Variants in CPEB1 observed in about 807,000 individuals in gnomAD.
CPEB1 encodes the protein cytoplasmic polyadenylation element binding protein 1, also known as cytoplasmic polyadenylation element-binding protein 1.
Under a neutral mutation model 65.8 loss-of-function variants are expected in CPEB1, and 7 were observed. That is an observed-to-expected ratio of 0.11 (90% confidence interval 0.06 to 0.20). The LOEUF (loss-of-function observed/expected upper bound fraction) is 0.20, where lower values mean the gene tolerates loss of function less well. Ranked by LOEUF, CPEB1 falls within the 10% of genes least tolerant of loss-of-function variation. CPEB1 has a pLI of 1.00. For missense variants in CPEB1, 551 were observed against 712.2 expected (o/e 0.77, Z 2.58); for synonymous variants, 262 against 260.0 (o/e 1.01, Z -0.08).
At chr15:82,619,823 TG>T (rs1398009874) in intron 3 of CPEB1, among the ~76,000 whole-genome samples, 2 of 152,018 alleles carry the variant, frequency 1.3e-5, no homozygotes, top group African/African-American at 2.4e-5. Flanking sequence ...CGTACACCAC[TG>T]GAAGTGTAAA....
rs536024398 is a variant in CPEB1, at chr15:82,546,527, C to A, written c.1576-6G>T. 6.2e-7 allele frequency: 1 copy of A among 1,610,902 alleles called. No homozygotes were observed. The highest frequency in any genetic ancestry group is 1.3e-5 in the African/African-American group (1 of 74,808). On this transcript the variant is annotated splice_polypyrimidine_tract_variant and splice_region_variant and intron_variant, in intron 11 of 12. Transcript: ENST00000684509. ...AGGTAGGGGTCAATCTGAACCTGCA[C>A]AAAGGCAAAATAAGATGATGAAGTG...
intron 3 of CPEB1, among the ~76,000 whole-genome samples, chr15:82,596,225 A>T (rs2042652918): frequency 6.6e-6 from 1 of 152,230 alleles, no homozygotes; most frequent in Admixed American, 6.5e-5. Context: ...TAAAGCAGTT[A>T]AGACAAGCAT....
chr15:82,586,505 T>C (rs931064272), intron 3 of CPEB1, among the ~76,000 whole-genome samples: 1 of 152,196 alleles, frequency 6.6e-6, no homozygotes, highest in African/African-American at 2.4e-5. Context: ...TAAAAAAAAT[T>C]ACATAAAATA....
At chr15:82,555,593 G>A (rs141611848) in intron 6 of CPEB1, among the ~76,000 whole-genome samples, 7 of 152,356 alleles carry the variant, frequency 4.6e-5, no homozygotes, top group South Asian at 2.1e-4. Flanking sequence ...CAGTCTCCAC[G>A]GAACGGCACA....
At chr15:82,563,291 T>C (rs1484377811) in intron 4 of CPEB1, among the ~76,000 whole-genome samples, 1 of 150,536 alleles carries the variant, frequency 6.6e-6, no homozygotes, top group African/African-American at 2.4e-5. Context: ...AGTAGTGTTA[T>C]CAACTTTAAA....
chr15:82,619,686 CTCAACT>C (rs1250850432), intron 3 of CPEB1, among the ~76,000 whole-genome samples: 3 of 152,088 alleles, frequency 2.0e-5, no homozygotes, highest in Non-Finnish European at 2.9e-5. Context: ...TGAAAATGTG[CTCAACT>C]TCATCAGTCA....
At chr15:82,647,958 G>GCGGGCCGCGCGCAGCCC, upstream of CPEB1, 1 of 1,060,604 alleles carries the variant, frequency 9.4e-7, no homozygotes, top group East Asian at 3.3e-5. Flanking sequence ...TATTTTTGCA[G>GCGGGCCGCGCGCAGCCC]CGGGCCGCGC....
chr15:82,623,066 T>C (rs930293244), intron 3 of CPEB1, among the ~76,000 whole-genome samples: 4 of 152,234 alleles, frequency 2.6e-5, no homozygotes, highest in African/African-American at 9.6e-5. Flanking sequence ...AACAGCTCTT[T>C]AGTCTCAGCT....
At chr15:82,647,872 G>T (rs902645099), upstream of CPEB1, 2 of 1,263,256 alleles carry the variant, frequency 1.6e-6, no homozygotes, top group Non-Finnish European at 2.0e-6. Flanking sequence ...GAACGCCATG[G>T]GGCCGGTGTG....
At chr15:82,591,311 G>T (rs1306350060) in intron 3 of CPEB1, among the ~76,000 whole-genome samples, 1 of 152,136 alleles carries the variant, frequency 6.6e-6, no homozygotes, top group Admixed American at 6.5e-5. Flanking sequence ...ACCCAGACTT[G>T]AGTGCAGTGG....
intron 3 of CPEB1, among the ~76,000 whole-genome samples, chr15:82,611,340 AAAAT>A (rs1172483473): frequency 6.6e-6 from 1 of 152,210 alleles, no homozygotes; most frequent in Non-Finnish European, 1.5e-5. Context: ...AATAGCATGA[AAAAT>A]AAATATACTT....
At chr15:82,582,720 C>T (rs1454867844) in intron 3 of CPEB1, among the ~76,000 whole-genome samples, 3 of 151,260 alleles carry the variant, frequency 2.0e-5, no homozygotes, top group Non-Finnish European at 4.4e-5. Context: ...TAAACCTATC[C>T]CATCATACTA....
chr15:82,617,724 GTT>G (rs35267620), intron 3 of CPEB1, among the ~76,000 whole-genome samples: 126 of 83,800 alleles, frequency 1.5e-3, no homozygotes, highest in African/African-American at 5.7e-3. Context: ...TTCTATTAAA[GTT>G]TTTTTTTTTT....
chr15:82,594,923 T>A lies in CPEB1; in HGVS notation c.272-23391A>T, dbSNP rs148496370. Among the ~76,000 whole-genome samples, 39 of 152,228 alleles carry A rather than the reference T, an allele frequency of 2.6e-4. 1 individual carries two copies. The East Asian group carries it at 6.6e-3, about 26-fold the overall frequency. ...GGAGCAGTCACAGCATACACAAAGT[T>A]TATCAATTAAGTTCACCATCTTACA... is the stretch of plus-strand genomic sequence containing the variant. On this transcript the variant is annotated intron_variant, in intron 3 of 12. Transcript: ENST00000684509.
intron 9 of CPEB1, among the ~76,000 whole-genome samples, chr15:82,550,562 T>C (rs1188467672): frequency 6.6e-6 from 1 of 152,124 alleles, no homozygotes; most frequent in Non-Finnish European, 1.5e-5. Flanking sequence ...GGTCTTGGGA[T>C]GAGAGGACCT....
chr15:82,648,195 G>A (rs899294849), upstream of CPEB1: 1 of 304,954 alleles, frequency 3.3e-6, no homozygotes, highest in Non-Finnish European at 6.0e-6. Context: ...GGGGGCCAGA[G>A]ACCTAAGCCT....
chr15:82,631,651 A>T (rs1200702005), intron 1 of CPEB1, among the ~76,000 whole-genome samples: 1 of 152,198 alleles, frequency 6.6e-6, no homozygotes, highest in African/African-American at 2.4e-5. Context: ...TCCTTGAGGA[A>T]GGATCTATTG....
At chr15:82,641,651 C>T (rs1036933827) in intron 1 of CPEB1, 1 of 152,098 alleles carries the variant, frequency 6.6e-6, no homozygotes, top group Non-Finnish European at 1.5e-5. Context: ...TGGGGATTCT[C>T]CTGTTACCTC....
intron 3 of CPEB1, among the ~76,000 whole-genome samples, chr15:82,585,559 A>G (rs375920039): frequency 2.6e-5 from 4 of 152,176 alleles, no homozygotes; most frequent in South Asian, 2.1e-4. Flanking sequence ...GACAGGCATT[A>G]TATCCCTTTT....
Sources: allele counts gnomAD v4.1 joint callset (sites outside exome capture counted in the v4.1 genomes callset), GRCh38; gene constraint gnomAD v4.1.1; transcripts MANE v1.5; gene names NCBI Gene and HGNC (gene_info 2026-07-23, HGNC 2026-07-21).